PCLAF: variants seen among roughly 807,000 people sequenced by gnomAD.
PCLAF encodes the protein PCNA clamp associated factor, also known as PCNA-associated factor.
Under a neutral mutation model 15.1 loss-of-function variants are expected in PCLAF, and 12 were observed. That is an observed-to-expected ratio of 0.79 (90% CI 0.51 to 1.29). The LOEUF (loss-of-function observed/expected upper bound fraction) is 1.29, where lower values mean the gene tolerates loss of function less well. Among genes scored for constraint, PCLAF ranks in the 50% most tolerant of loss-of-function variants. The pLI, the probability that PCLAF is intolerant of heterozygous loss-of-function variation, is 0.00. For synonymous variants in PCLAF, 33 were observed against 47.1 expected (o/e 0.70, Z 1.22); for missense variants, 116 against 130.9 (o/e 0.89, Z 0.56).
At chr15:64,371,094 G>A (rs1255623312) in intron 3 of PCLAF, among the ~76,000 whole-genome samples, 3 of 150,102 alleles carry the variant, frequency 2.0e-5, no homozygotes, top group African/African-American at 4.9e-5. Flanking sequence ...TCAGCCTCCC[G>A]AGTAGCTGGG....
At position 64,365,090 on chromosome 15, in the gene PCLAF, C is replaced by A. The variant is rs1488408410; in HGVS notation, c.*940G>T. 1 of 151,126 alleles carries A rather than the reference C, an allele frequency of 6.6e-6. No homozygotes were observed. The highest frequency in any genetic ancestry group is 2.4e-5 in the African/African-American group (1 of 41,088). 9.4% of individuals were successfully genotyped at this position (151,126 alleles called of 1,614,324 possible). Reference sequence around the variant, plus strand: ...CAATCTCGGCTCACTGCAAGCTCCACTTCCCGGGTTCACGCCATTCTCCTG... The same window carrying A: ...CAATCTCGGCTCACTGCAAGCTCCAATTCCCGGGTTCACGCCATTCTCCTG... On this transcript the variant is annotated 3_prime_UTR_variant, in exon 4 of 4. Coordinates refer to ENST00000300035, the MANE Select transcript of PCLAF (RefSeq NM_014736.6).
intron 3 of PCLAF, among the ~76,000 whole-genome samples, chr15:64,368,855 T>C (rs1248335282): frequency 6.6e-6 from 1 of 152,152 alleles, no homozygotes; most frequent in Admixed American, 6.5e-5. Flanking sequence ...AGTGTTATAG[T>C]CACATTTGGC....
intron 3 of PCLAF, among the ~76,000 whole-genome samples, chr15:64,371,180 G>A (rs1375552761): frequency 1.3e-5 from 2 of 151,878 alleles, no homozygotes; most frequent in African/African-American, 4.8e-5. Context: ...GTATTAGCCA[G>A]GATGGTCTTG....
At chr15:64,385,930 C>T (rs1464382822), upstream of PCLAF, among the ~76,000 whole-genome samples, 2 of 152,194 alleles carry the variant, frequency 1.3e-5, no homozygotes, top group Non-Finnish European at 2.9e-5. Flanking sequence ...ACAACTTGGA[C>T]TGAGCCAGCT....
upstream of PCLAF, among the ~76,000 whole-genome samples, chr15:64,383,586 C>T (rs1031441271): frequency 2.0e-4 from 31 of 152,016 alleles, no homozygotes; most frequent in Admixed American, 1.7e-3. Context: ...AGGCTGGTCT[C>T]AAACTCCTGA....
At chr15:64,387,451 C>G (rs1039924084) in exon 1 of PCLAF, 2 of 1,251,496 alleles carry the variant, frequency 1.6e-6, no homozygotes, top group Non-Finnish European at 2.1e-6. Flanking sequence ...ACTTACAGCG[C>G]TTACAATACC....
Position 64,364,610 on chromosome 15 carries a change from A to C in PCLAF, c.*1420T>G, listed in dbSNP as rs1898957598. On this transcript the variant is annotated 3_prime_UTR_variant, in exon 4 of 4. Transcript: ENST00000300035. ...AGGAAAATTTCTTTTAAGAGATGGGATCTGGTTCCACTGTGTGTGCCACCA... is the reference window on the plus strand; with the variant it reads ...AGGAAAATTTCTTTTAAGAGATGGGCTCTGGTTCCACTGTGTGTGCCACCA... The C allele has an allele frequency of 6.6e-6, 1 of 151,984 alleles. No individual in the cohort carries two copies. The highest frequency in any genetic ancestry group is 2.4e-5 in the African/African-American group (1 of 41,402). The allele number at this position is 151,984 out of a possible 1,614,324, so 9.4% of individuals were successfully genotyped here. A position where few individuals can be genotyped will look rare whatever the true frequency, so the allele number is the denominator to read the frequency against.
chr15:64,375,320 T>C, intron 3 of PCLAF, among the ~76,000 whole-genome samples: 1 of 152,072 alleles, frequency 6.6e-6, no homozygotes, highest in Non-Finnish European at 1.5e-5. Context: ...GAGACGGGGT[T>C]TCACCATGTT....
chr15:64,365,751 A>T lies in PCLAF; in HGVS notation c.*279T>A, dbSNP rs1899005515. On this transcript the variant is annotated 3_prime_UTR_variant, in exon 4 of 4. Transcript: ENST00000300035. The stretch of plus-strand genomic sequence containing the variant: ...TCAAATACAACATACTTGTAATTAG[A>T]ACACAATGCAATGACTTGATTTTAG... 2.6e-6 allele frequency: 1 copy of T among 390,010 alleles called. No homozygotes were observed. Among genetic ancestry groups the T allele is most frequent in the Non-Finnish European group, 4.6e-6 (1 of 217,604 alleles). 24.2% of individuals were successfully genotyped at this position (390,010 alleles called of 1,614,324 possible). A position where few individuals can be genotyped will look rare whatever the true frequency, so the allele number is the denominator to read the frequency against.
chr15:64,372,657 A>T (rs1033346071), intron 3 of PCLAF, among the ~76,000 whole-genome samples: 1 of 150,486 alleles, frequency 6.6e-6, no homozygotes, highest in Non-Finnish European at 1.5e-5. Flanking sequence ...GCAATGGCAA[A>T]TCAAATCCAA....
chr15:64,380,854 G>T, intron 2 of PCLAF, 104 bp downstream of exon 2: 1 of 944,942 alleles, frequency 1.1e-6, no homozygotes, highest in Non-Finnish European at 1.6e-6. Context: ...ACAGGGCAAG[G>T]AAGAAATTCG....
intron 3 of PCLAF, chr15:64,373,835 T>C: frequency 7.0e-7 from 1 of 1,438,112 alleles, no homozygotes; most frequent in Non-Finnish European, 9.4e-7. Flanking sequence ...CATCACTCCC[T>C]TTCCTCCTAC....
Position 64,365,239 on chromosome 15 carries a change from T to C in PCLAF, c.*791A>G, listed in dbSNP as rs1429179554. On this transcript the variant is annotated 3_prime_UTR_variant, in exon 4 of 4. Transcript: ENST00000300035. ...GGATGGTCTCGATCTCCTGACCTCA[T>C]GATCCACCCGCCTCGGCCTCCCAGA... 6.6e-6 allele frequency: 1 copy of C among 152,120 alleles called. No homozygotes were observed. The highest frequency in any genetic ancestry group is 2.4e-5 in the African/African-American group (1 of 41,344). The allele number at this position is 152,120 out of a possible 1,614,324, so 9.4% of individuals were successfully genotyped here.
chr15:64,382,509 TGAAACGAAAC>T (rs947169136), upstream of PCLAF: 1 of 153,014 alleles, frequency 6.5e-6, no homozygotes, highest in African/African-American at 2.4e-5. Context: ...GGAAATGAAA[TGAAACGAAAC>T]GAAACGAAAA....
chr15:64,382,429 A>C (rs1899846975), upstream of PCLAF: 1 of 154,050 alleles, frequency 6.5e-6, no homozygotes. Flanking sequence ...AAAAAAAAAG[A>C]AAGAAAGAAA....
chr15:64,387,491 C>T (rs771829460), exon 1 of PCLAF: 12 of 1,285,282 alleles, frequency 9.3e-6, no homozygotes, highest in Admixed American at 2.5e-5. Context: ...TTACATAAAA[C>T]CATGACGATT....
At chr15:64,372,745 G>A (rs1399847348) in intron 3 of PCLAF, among the ~76,000 whole-genome samples, 7 of 152,068 alleles carry the variant, frequency 4.6e-5, no homozygotes, top group South Asian at 2.1e-4. Flanking sequence ...AGGCCGAGGC[G>A]GGCAGATCAC....
intron 2 of PCLAF, among the ~76,000 whole-genome samples, chr15:64,377,470 C>CAAAAAA (rs771209859): frequency 0.011 from 10 of 906 alleles, 2 homozygotes; most frequent in Non-Finnish European, 0.017. Flanking sequence ...GACTCTGTCT[C>CAAAAAA]AAAAAAAAAA....
At chr15:64,384,738 T>TAAAAAAAAAA (rs760374421), upstream of PCLAF, among the ~76,000 whole-genome samples, 1 of 103,564 alleles carries the variant, frequency 9.7e-6, no homozygotes. Flanking sequence ...CAAGAATGTC[T>TAAAAAAAAAA]AAAAAAAAAA....
Sources: allele counts gnomAD v4.1 joint callset (sites outside exome capture counted in the v4.1 genomes callset), GRCh38; gene constraint gnomAD v4.1.1; transcripts MANE v1.5; gene names NCBI Gene and HGNC (gene_info 2026-07-23, HGNC 2026-07-21).